Variants in ARB2A observed in about 807,000 individuals in gnomAD.
ARB2A encodes ARB2 cotranscriptional regulator A.
chr5:93,980,281 T>A, the ARB2A span, among the ~76,000 whole-genome samples: 1 of 152,196 alleles, frequency 6.6e-6, no homozygotes, highest in Non-Finnish European at 1.5e-5. Flanking sequence ...CAATAGTTAT[T>A]TCCTCTGGTG....
chr5:93,687,846 C>T, the ARB2A span, among the ~76,000 whole-genome samples: 1 of 152,074 alleles, frequency 6.6e-6, no homozygotes, highest in Non-Finnish European at 1.5e-5. Context: ...TAAAACGAAG[C>T]CTAACTTACA....
chr5:93,734,174 A>T, the ARB2A span: 3 of 152,214 alleles, frequency 2.0e-5, no homozygotes, highest in Non-Finnish European at 4.4e-5. Flanking sequence ...ATAAGATTTT[A>T]ATTAAAGTGC....
At chr5:93,965,897 T>C in the ARB2A span, among the ~76,000 whole-genome samples, 1 of 152,098 alleles carries the variant, frequency 6.6e-6, no homozygotes, top group Non-Finnish European at 1.5e-5. Context: ...AGAAACAGTA[T>C]ATTAGATGTA....
the ARB2A span, among the ~76,000 whole-genome samples, chr5:93,997,692 T>A: frequency 1.3e-5 from 2 of 151,966 alleles, no homozygotes; most frequent in Non-Finnish European, 2.9e-5. Context: ...AACTCAAGAT[T>A]TGATAACCTC....
At chr5:94,013,290 G>A in the ARB2A span, among the ~76,000 whole-genome samples, 6,233 of 147,658 alleles carry the variant, frequency 0.042, 186 homozygotes, top group Middle Eastern at 0.07. Context: ...GCAATTTTCT[G>A]CCTCAGCCTC....
chr5:93,891,209 T>C, the ARB2A span, among the ~76,000 whole-genome samples: 122 of 152,236 alleles, frequency 8.0e-4, no homozygotes, highest in Non-Finnish European at 1.5e-3. Context: ...TGTTTAGCCT[T>C]CATTCCTGTA....
the ARB2A span, among the ~76,000 whole-genome samples, chr5:93,705,171 C>A: frequency 2.0e-5 from 3 of 152,120 alleles, no homozygotes; most frequent in Non-Finnish European, 4.4e-5. Flanking sequence ...TGGATGCATG[C>A]AACATAAGTT....
chr5:93,958,809 T>C, the ARB2A span: 13 of 1,582,260 alleles, frequency 8.2e-6, no homozygotes, highest in Non-Finnish European at 1.1e-5. Flanking sequence ...GGTATCTGTG[T>C]GCCACTGTCC....
the ARB2A span, among the ~76,000 whole-genome samples, chr5:94,092,747 C>T: frequency 6.6e-6 from 1 of 152,116 alleles, no homozygotes; most frequent in African/African-American, 2.4e-5. Context: ...ACAGTAGGAA[C>T]ATATATACAC....
At chr5:94,065,559 A>C in the ARB2A span, among the ~76,000 whole-genome samples, 213 of 152,212 alleles carry the variant, frequency 1.4e-3, no homozygotes, top group Non-Finnish European at 2.4e-3. Context: ...CGAAAACCAA[A>C]AGTGAGCAGG....
the ARB2A span, among the ~76,000 whole-genome samples, chr5:93,787,170 G>A: frequency 6.6e-6 from 1 of 152,098 alleles, no homozygotes; most frequent in East Asian, 1.9e-4. Context: ...ATCTTAGTCT[G>A]TAAAAAAGAT....
At chr5:93,678,754 TA>T in the ARB2A span, among the ~76,000 whole-genome samples, 1,449 of 137,104 alleles carry the variant, frequency 0.011, 2 homozygotes, top group Middle Eastern at 0.011. Flanking sequence ...AGACTTCGTC[TA>T]AAAAAAAAAA....
the ARB2A span, among the ~76,000 whole-genome samples, chr5:93,856,169 T>C: frequency 6.6e-6 from 1 of 152,258 alleles, no homozygotes; most frequent in Non-Finnish European, 1.5e-5. Flanking sequence ...GTTAGTCTGA[T>C]GGGCTTCCCT....
At chr5:93,833,209 T>C in the ARB2A span, among the ~76,000 whole-genome samples, 1 of 152,200 alleles carries the variant, frequency 6.6e-6, no homozygotes, top group South Asian at 2.1e-4. Flanking sequence ...ATTCAAACTA[T>C]AAATACAAGG....
the ARB2A span, among the ~76,000 whole-genome samples, chr5:94,009,948 G>A: frequency 4.7e-5 from 7 of 149,136 alleles, no homozygotes. Flanking sequence ...CAATTAGTCT[G>A]GCTAGCGGCT....
At chr5:94,066,192 C>T in the ARB2A span, among the ~76,000 whole-genome samples, 3 of 151,416 alleles carry the variant, frequency 2.0e-5, no homozygotes, top group East Asian at 1.9e-4. Flanking sequence ...AAACAGAAAA[C>T]GCAAGGGTAA....
chr5:94,092,587 T>C, the ARB2A span, among the ~76,000 whole-genome samples: 1 of 152,348 alleles, frequency 6.6e-6, no homozygotes, highest in East Asian at 1.9e-4. Flanking sequence ...TCTATAATGT[T>C]ATTCCATTTC....
chr5:93,687,345 C>T, the ARB2A span, among the ~76,000 whole-genome samples: 1 of 152,116 alleles, frequency 6.6e-6, no homozygotes, highest in South Asian at 2.1e-4. Context: ...AAACTAAATA[C>T]ATGTTTACCT....
chr5:93,892,592 G>C, the ARB2A span, among the ~76,000 whole-genome samples: 4 of 151,978 alleles, frequency 2.6e-5, no homozygotes, highest in African/African-American at 4.8e-5. Context: ...CTCTGGGGGG[G>C]GGAAAACCAC....
Sources: gnomAD v4.1 joint callset for allele counts (sites outside exome capture counted in the v4.1 genomes callset) on GRCh38, gnomAD v4.1.1 for gene constraint, MANE v1.5 for transcripts, NCBI Gene and HGNC (gene_info 2026-07-23, HGNC 2026-07-21) for gene names.